Variants in CCDC30 observed in about 807,000 individuals in gnomAD.
The protein encoded by CCDC30 is coiled-coil domain-containing protein 30.
In CCDC30, 70 loss-of-function variants were observed where a neutral mutation model predicts 100.2. The ratio of observed to expected loss-of-function variants is 0.70; its 90% CI spans 0.58 to 0.85. CCDC30 has a LOEUF of 0.85. Among genes scored for constraint, CCDC30 ranks in the 40% least tolerant of loss-of-function variants. CCDC30 has a pLI of 0.00. For missense variants in CCDC30, 652 were observed against 771.2 expected (o/e 0.85, Z 1.83); for synonymous variants, 233 against 269.5 (o/e 0.86, Z 1.33).
chr1:42,580,839 C>A (rs1281156144), intron 8 of CCDC30: 2 of 456,128 alleles, frequency 4.4e-6, no homozygotes, highest in Middle Eastern at 3.3e-4. Context: ...CAGTGTTATT[C>A]ATGAATCTAG....
intron 6 of CCDC30, among the ~76,000 whole-genome samples, chr1:42,558,911 C>T (rs1260379739): frequency 6.6e-6 from 1 of 152,158 alleles, no homozygotes; most frequent in Non-Finnish European, 1.5e-5. Flanking sequence ...AGGTCACCTA[C>T]AAAGGGAAGC....
At chr1:42,507,750 G>T (rs1644417714) in intron 6 of CCDC30, among the ~76,000 whole-genome samples, 1 of 152,174 alleles carries the variant, frequency 6.6e-6, no homozygotes, top group Admixed American at 6.5e-5. Context: ...TTAGGGGGTT[G>T]TTAATTTTGT....
intron 6 of CCDC30, among the ~76,000 whole-genome samples, chr1:42,500,753 G>A (rs1007049771): frequency 2.7e-5 from 4 of 147,952 alleles, no homozygotes; most frequent in Non-Finnish European, 6.1e-5. Context: ...TGTAGAAGTA[G>A]TTTTGTTTTG....
exon 9 of CCDC30, chr1:42,581,407 C>T (rs773795387): frequency 6.2e-7 from 1 of 1,613,314 alleles, no homozygotes; most frequent in Non-Finnish European, 8.5e-7. Context: ...AAGTCTGTCT[C>T]ACAGACACTT....
At chr1:42,496,745 T>A (rs1644238481) in intron 4 of CCDC30, among the ~76,000 whole-genome samples, 1 of 151,866 alleles carries the variant, frequency 6.6e-6, no homozygotes, top group Non-Finnish European at 1.5e-5. Flanking sequence ...CTGAAAGGCA[T>A]TTTTTTTGGT....
intron 11 of CCDC30, among the ~76,000 whole-genome samples, chr1:42,627,603 G>A (rs1646957327): frequency 6.6e-6 from 1 of 152,144 alleles, no homozygotes; most frequent in South Asian, 2.1e-4. Flanking sequence ...GCCGGTCCCA[G>A]GGTCCCCATA....
chr1:42,510,443 G>A (rs1644459673), intron 6 of CCDC30, among the ~76,000 whole-genome samples: 1 of 152,138 alleles, frequency 6.6e-6, no homozygotes, highest in South Asian at 2.1e-4. Flanking sequence ...CAGATCACGA[G>A]GTCAGGAGAT....
rs115454003 is a variant in CCDC30 at position 42,510,771 on chromosome 1, G to C, written c.456+11855G>C. ...TGCAATGAGAAGGGAACTTGAGGGG[G>C]GCCCCAAATAAGGGGGATCCTCAGA... On this transcript the variant is annotated intron_variant, in intron 6 of 16. Transcript: ENST00000668663. Among the ~76,000 whole-genome samples, 88 of 152,108 alleles carry C rather than the reference G, an allele frequency of 5.8e-4. 1 individual carries two copies. The highest frequency in any genetic ancestry group is 1.9e-3 in the African/African-American group (80 of 41,496).
intron 11 of CCDC30, among the ~76,000 whole-genome samples, chr1:42,636,422 G>GAAGAAC (rs1216983819): frequency 2.0e-5 from 3 of 151,778 alleles, no homozygotes; most frequent in African/African-American, 7.3e-5. Flanking sequence ...AGAAGAAGAA[G>GAAGAAC]AAGAGGTCCA....
intron 11 of CCDC30, among the ~76,000 whole-genome samples, chr1:42,619,799 C>G (rs6660900): frequency 0.018 from 2,716 of 152,298 alleles, 78 homozygotes; most frequent in African/African-American, 0.062. Context: ...TCCCCGCCCC[C>G]CATCCACCTG....
In CCDC30 at chr1:42,579,225, C is replaced by T. The variant is rs201524335; in HGVS notation, c.846+1996C>T. Among the ~76,000 whole-genome samples, 3 of 151,900 alleles carry T rather than the reference C, an allele frequency of 2.0e-5. No individual in the cohort carries two copies. In the East Asian group the frequency reaches 5.9e-4, roughly 30 times the overall value. On this transcript the variant is annotated intron_variant, in intron 8 of 16. Coordinates refer to ENST00000668663, the Ensembl canonical transcript of CCDC30. The stretch of plus-strand genomic sequence containing the variant: ...CGGGATGGTCTTGATCTCTTGACCT[C>T]GTGATCCACCCACCTCAGCCTCCCA...
chr1:42,470,507 A>G (rs1057138327), intron 1 of CCDC30, among the ~76,000 whole-genome samples: 2 of 152,246 alleles, frequency 1.3e-5, no homozygotes, highest in Non-Finnish European at 2.9e-5. Flanking sequence ...ATACTTTTAC[A>G]CCAGTGTTCA....
chr1:42,570,346 A>C (rs1447665345), intron 7 of CCDC30, among the ~76,000 whole-genome samples: 6 of 151,942 alleles, frequency 3.9e-5, no homozygotes, highest in Admixed American at 3.9e-4. Flanking sequence ...TTAAATAAAC[A>C]TTAAAATATC....
chr1:42,603,436 C>T lies in CCDC30; in HGVS notation c.1165-7542C>T, dbSNP rs964207646. Among the ~76,000 whole-genome samples the T allele has an allele frequency of 3.9e-5, 6 of 152,290 alleles. No homozygotes were observed. The South Asian group carries it at 1.2e-3, about 32-fold the overall frequency. On this transcript the variant is annotated intron_variant, in intron 10 of 16. Transcript: ENST00000668663. ...GAATTTTGGAGGGAACACCATCATT[C>T]AAACCATGGCAAATGCGTAAAAAGG...
At chr1:42,557,926 G>A (rs1645406083) in intron 6 of CCDC30, among the ~76,000 whole-genome samples, 1 of 151,856 alleles carries the variant, frequency 6.6e-6, no homozygotes. Context: ...TAGATCTGTT[G>A]ACTGAGAAAA....
chr1:42,546,448 C>T (rs1380414060), intron 6 of CCDC30, among the ~76,000 whole-genome samples: 12 of 97,636 alleles, frequency 1.2e-4, no homozygotes, highest in African/African-American at 2.0e-4. Context: ...ATATAGTATT[C>T]TAATAAAAGG....
chr1:42,541,960 G>A (rs1008481974), intron 6 of CCDC30, among the ~76,000 whole-genome samples: 3 of 152,152 alleles, frequency 2.0e-5, no homozygotes, highest in Non-Finnish European at 4.4e-5. Context: ...GAACACCAAG[G>A]CCCAGGGATA....
At chr1:42,655,021 A>G (rs1648614727), downstream of CCDC30, among the ~76,000 whole-genome samples, 1 of 151,910 alleles carries the variant, frequency 6.6e-6, no homozygotes, top group Admixed American at 6.6e-5. Flanking sequence ...AACTAATTTT[A>G]TTTTACAGTT....
chr1:42,500,498 C>T (rs1644295052), intron 6 of CCDC30, among the ~76,000 whole-genome samples: 2 of 151,842 alleles, frequency 1.3e-5, no homozygotes, highest in Non-Finnish European at 2.9e-5. Flanking sequence ...ACTGTAAGCT[C>T]CGCCTCCCGG....
Sources: gnomAD v4.1 joint callset for allele counts (sites outside exome capture counted in the v4.1 genomes callset) on GRCh38, gnomAD v4.1.1 for gene constraint, MANE v1.5 for transcripts, NCBI Gene and HGNC (gene_info 2026-07-23, HGNC 2026-07-21) for gene names.